Variants in ADAMTS13 observed in about 807,000 individuals in gnomAD.
ADAMTS13 encodes ADAM metallopeptidase with thrombospondin type 1 motif 13.
ADAMTS13 carries 110 observed loss-of-function variants against 155.1 expected under a neutral mutation model. The observed-to-expected ratio is 0.71, with a 90% CI of 0.61 to 0.83. The LOEUF (loss-of-function observed/expected upper bound fraction) is 0.83. Ranked by LOEUF, ADAMTS13 falls within the 40% of genes least tolerant of loss-of-function variation. The pLI is 0.00. For synonymous variants in ADAMTS13, 758 were observed against 756.4 expected, an observed-to-expected ratio of 1.00 and a Z score of -0.03; for missense variants, 1,707 against 1,891.7, an observed-to-expected ratio of 0.90 and a Z score of 1.81.
upstream of ADAMTS13, among the ~76,000 whole-genome samples, chr9:133,419,905 A>AT (rs71503346): frequency 0.12 from 14,488 of 117,904 alleles, 949 homozygotes; most frequent in Middle Eastern, 0.2. Context: ...TGCCCAGCTA[A>AT]TTTTTTTTTT....
chr9:133,435,430 C>T (rs1189791032), intron 11 of ADAMTS13, among the ~76,000 whole-genome samples: 1 of 151,896 alleles, frequency 6.6e-6, no homozygotes, highest in Non-Finnish European at 1.5e-5. Context: ...CTCAGGTGAT[C>T]TGCCCGCCTT....
At position 133,445,567 on chromosome 9, in the gene ADAMTS13, G is replaced by C. The variant is rs1329401121; in HGVS notation, c.2611-132G>C. 7.1e-7 allele frequency: 1 copy of C among 1,406,450 alleles called. No homozygotes were observed. Among genetic ancestry groups the C allele is most frequent in the Non-Finnish European group, 9.9e-7 (1 of 1,008,324 alleles). 87.1% of individuals were successfully genotyped at this position (1,406,450 alleles called of 1,614,324 possible). A position where few individuals can be genotyped will look rare whatever the true frequency, so the allele number is the denominator to read the frequency against. ...CCGGGGAGCCGATCTCGCCAAGGGA[G>C]GAGGGGAGGGAGCCCCTGGTGCACA... On this transcript the variant is annotated intron_variant, in intron 20 of 28. Coordinates refer to ENST00000355699, the MANE Select transcript of ADAMTS13 (RefSeq NM_139027.6). The surrounding 1 kb of genome is among the most constrained non-coding windows in gnomAD (Gnocchi z 5.0).
In ADAMTS13 at chr9:133,453,087, A is replaced by C. The variant is rs1842533342; in HGVS notation, c.3045-1328A>C. The stretch of plus-strand genomic sequence containing the variant: ...GAGGCTGAGGCGGGAGGATTGCTTG[A>C]GCCCAGGAGTTCTAGACCAGCCTGG... On this transcript the variant is annotated intron_variant, in intron 23 of 28. Transcript: ENST00000355699. 2.6e-5 allele frequency among the ~76,000 whole-genome samples: 4 copies of C among 151,540 alleles called. No individual in the cohort carries two copies. In the South Asian group the frequency reaches 8.4e-4, roughly 32 times the overall value.
At chr9:133,450,145 A>G (rs1041551290) in intron 23 of ADAMTS13, among the ~76,000 whole-genome samples, 180 bp downstream of exon 23, 4 of 152,054 alleles carry the variant, frequency 2.6e-5, no homozygotes, top group African/African-American at 9.7e-5. Context: ...AAAAAAAACA[A>G]GACGGGGCCA....
At chr9:133,433,336 G>C in intron 9 of ADAMTS13, 42 bp from the exon 10 acceptor site, 6 of 1,610,460 alleles carry the variant, frequency 3.7e-6, no homozygotes, top group Non-Finnish European at 5.1e-6. Flanking sequence ...CCTGTGGTGG[G>C]GTCACTGTGG....
chr9:133,439,446 G>A lies in ADAMTS13; in HGVS notation c.1786G>A (p.Ala596Thr). ...ANHRPLFTHL[A>T]VRIGGRYVVA... is the part of the protein sequence containing the mutation. ...CCACAGGCCTCTCTTCACACACTTG[G>A]GTGAGTTGACTGGAGGACTCCCACC... is the stretch of plus-strand genomic sequence containing the variant. The change falls in exon 15 of 29, where the codon GCG (alanine) becomes ACG (threonine). Residue 596 changes from alanine (A) to threonine (T), a missense_variant and splice_region_variant. By Grantham distance (58) the Ala-to-Thr change is moderately conservative. This residue lies in a region of ADAMTS13 where 961 missense variants were observed against 1,107.9 expected (regional missense o/e 0.87). Coordinates refer to ENST00000355699, the MANE Select transcript of ADAMTS13 (RefSeq NM_139027.6). The A allele has an allele frequency of 1.2e-6, 2 of 1,613,350 alleles. No homozygotes were observed. Among genetic ancestry groups the A allele is most frequent in the Non-Finnish European group, 1.7e-6 (2 of 1,179,304 alleles).
chr9:133,429,303 C>G lies in ADAMTS13; in HGVS notation c.824+532C>G, dbSNP rs77193473. On this transcript the variant is annotated intron_variant, in intron 7 of 28. Transcript: ENST00000355699. ...CCCTCCCTGCGCCCACCCCTGCGTC[C>G]TCCCTCGCCCCCTTGCGCCCACACT... is the stretch of plus-strand genomic sequence containing the variant. Among the ~76,000 whole-genome samples the G allele has an allele frequency of 8.9e-4, 125 of 140,426 alleles. 1 individual carries two copies. In the East Asian group the frequency reaches 0.011, roughly 13 times the overall value. The allele number at this position is 140,426 out of a possible 152,430, so 92.1% of individuals were successfully genotyped here. A position where few individuals can be genotyped will look rare whatever the true frequency, so the allele number is the denominator to read the frequency against.
chr9:133,424,281 T>C lies in ADAMTS13; in HGVS notation c.173-40T>C, dbSNP rs782654383. Reference sequence around the variant, plus strand: ...CCTGTTAGCTTTCCACTGCTTGCTCTCTAGAACCATCGCCCTCTGCTCTCC... The same window carrying C: ...CCTGTTAGCTTTCCACTGCTTGCTCCCTAGAACCATCGCCCTCTGCTCTCC... On this transcript the variant is annotated intron_variant, in intron 2 of 28. Transcript: ENST00000355699. The surrounding 1 kb of genome is among the most constrained non-coding windows in gnomAD (Gnocchi z 4.3). 6.2e-7 allele frequency: 1 copy of C among 1,607,764 alleles called. No individual in the cohort carries two copies. Among genetic ancestry groups the C allele is most frequent in the South Asian group, 1.1e-5 (1 of 90,996 alleles).
At chr9:133,446,340 A>G (rs1842065418) in intron 21 of ADAMTS13, among the ~76,000 whole-genome samples, 2 of 151,788 alleles carry the variant, frequency 1.3e-5, no homozygotes, top group African/African-American at 4.8e-5. Context: ...ACGAACTCCC[A>G]TTTCCCCCTC....
rs782660413 is a variant in ADAMTS13 at position 133,439,412 on chromosome 9, C to T, written c.1752C>T (p.Tyr584=). Residue 584 remains tyrosine (Y), a synonymous_variant, in exon 15 of 29, where the codon TAC becomes TAT. Coordinates refer to ENST00000355699, the MANE Select transcript of ADAMTS13 (RefSeq NM_139027.6). ...LTVTPNLTSV[Y]IANHRPLFTH... ...TTACCCCCAACCTGACCAGTGTCTA[C>T]ATTGCCAACCACAGGCCTCTCTTCA... is the stretch of plus-strand genomic sequence containing the variant. 2 of 1,614,112 alleles carry T rather than the reference C, an allele frequency of 1.2e-6. No homozygotes were observed. Among genetic ancestry groups the T allele is most frequent in the Non-Finnish European group, 1.7e-6 (2 of 1,179,932 alleles).
At chr9:133,415,020 C>A (rs782693957) in intron 1 of ADAMTS13, 3 of 1,571,416 alleles carry the variant, frequency 1.9e-6, no homozygotes, top group Non-Finnish European at 2.6e-6. Flanking sequence ...CACTGGGACC[C>A]AAAATAAAAT....
Position 133,445,533 on chromosome 9 carries a change from G to T in ADAMTS13, c.2611-166G>T, listed in dbSNP as rs1841999789. The stretch of plus-strand genomic sequence containing the variant: ...GGTGGGGTGTGCAGCAAGGATACCC[G>T]CTGCGAGACCGGGGAGCCGATCTCG... On this transcript the variant is annotated intron_variant, in intron 20 of 28. Coordinates refer to ENST00000355699, the MANE Select transcript of ADAMTS13 (RefSeq NM_139027.6). The surrounding 1 kb of genome is among the most constrained non-coding windows in gnomAD (Gnocchi z 5.0). Among the ~76,000 whole-genome samples the T allele has an allele frequency of 6.6e-6, 1 of 152,206 alleles. No homozygotes were observed. Among genetic ancestry groups the T allele is most frequent in the Admixed American group, 6.5e-5 (1 of 15,288 alleles).
At chr9:133,444,336 T>C (rs1281126263) in intron 19 of ADAMTS13, among the ~76,000 whole-genome samples, 4 of 151,070 alleles carry the variant, frequency 2.6e-5, no homozygotes. Flanking sequence ...CTCTGGAGAG[T>C]AGGAGGGATG....
rs1554792426 is a variant in ADAMTS13 at position 133,445,808 on chromosome 9, C to T, written c.2720C>T (p.Ser907Phe). The change falls in exon 21 of 29, where the codon TCC (serine) becomes TTC (phenylalanine). Residue 907 changes from serine to phenylalanine, a missense_variant. Ser to Phe is a radical substitution (Grantham distance 155). Transcript: ENST00000355699. This position sits in a 1 kb window ranked among gnomAD's most constrained non-coding sequence, Gnocchi z 5.0. ...WTPAAGSCSV[S>F]CGRGLMELRF... ...CCTGCGGCAGGGTCGTGCTCCGTCT[C>T]CTGCGGGCGAGGTGAGGGCCCCCGG... 6.3e-7 allele frequency: 1 copy of T among 1,582,944 alleles called. No homozygotes were observed. Among genetic ancestry groups the T allele is most frequent in the Non-Finnish European group, 8.6e-7 (1 of 1,157,906 alleles).
In ADAMTS13 at chr9:133,449,047, C is replaced by G. The variant is rs782668163; in HGVS notation, c.2861+319C>G. ...GACCTTTTGACCCTCAGTGTCCTCA[C>G]CAGTGGGAGCAGGTCATTTTGTGCC... On this transcript the variant is annotated intron_variant, in intron 22 of 28. Coordinates refer to ENST00000355699, the MANE Select transcript of ADAMTS13 (RefSeq NM_139027.6). Among the ~76,000 whole-genome samples the G allele has an allele frequency of 5.2e-4, 79 of 152,196 alleles. 1 individual carries two copies. Among genetic ancestry groups the G allele is most frequent in the Admixed American group, 1.3e-4 (2 of 15,282 alleles).
chr9:133,442,821 A>C (rs1841776561), intron 18 of ADAMTS13, 78 bp downstream of exon 18: 1 of 1,515,982 alleles, frequency 6.6e-7, no homozygotes, highest in South Asian at 1.2e-5. Context: ...TCCCTGGCCT[A>C]TGGGGCCCAT....
intron 14 of ADAMTS13, among the ~76,000 whole-genome samples, chr9:133,439,086 G>A (rs897441785): frequency 6.6e-6 from 1 of 152,180 alleles, no homozygotes; most frequent in African/African-American, 2.4e-5. Flanking sequence ...GCAAATGCCA[G>A]TGCTTCTATG....
intron 5 of ADAMTS13, 66 bp downstream of exon 5, chr9:133,426,128 C>T (rs1039248686): frequency 5.6e-6 from 9 of 1,613,844 alleles, no homozygotes; most frequent in African/African-American, 2.7e-5. Flanking sequence ...AGCCTCCTGC[C>T]CTCTGCAAAG....
At chr9:133,455,607 ATG>A (rs1842694189) in intron 25 of ADAMTS13, 172 bp downstream of exon 25, 1 of 1,600,330 alleles carries the variant, frequency 6.2e-7, no homozygotes, top group Non-Finnish European at 8.5e-7. Context: ...CAGTCCAGTT[ATG>A]TCCTGTCCTC....
Sources: gnomAD v4.1 joint callset for allele counts (sites outside exome capture counted in the v4.1 genomes callset) on GRCh38, gnomAD v4.1.1 for gene constraint, gnomAD v4.1.1 regional missense constraint, Gnocchi (gnomAD v3.1) non-coding constraint, MANE v1.5 for transcripts, NCBI Gene and HGNC (gene_info 2026-07-23, HGNC 2026-07-21) for gene names.